Variants in CDKL4 observed in about 807,000 individuals in gnomAD.
The protein encoded by CDKL4 is cyclin-dependent kinase-like 4.
Under a neutral mutation model 42.0 loss-of-function variants are expected in CDKL4, and 44 were observed. That is an observed-to-expected ratio of 1.05 (90% confidence interval 0.82 to 1.35). CDKL4 has a LOEUF of 1.35. CDKL4 is among the 40% of genes most tolerant of loss of function. The pLI, the probability that CDKL4 is intolerant of heterozygous loss-of-function variation, is 0.00. For synonymous variants in CDKL4, 120 were observed against 121.6 expected, an observed-to-expected ratio of 0.99 and a Z score of 0.09; for missense variants, 393 against 369.9, an observed-to-expected ratio of 1.06 and a Z score of -0.51.
rs181961145 is a variant in CDKL4, at chr2:39,213,679, C to T, written c.291-207G>A. Reference sequence around the variant, plus strand: ...TTCCTTTTGTAATTTGAATTTTTTACATCCATAAAATGATGCATGCTTATG... The same window carrying T: ...TTCCTTTTGTAATTTGAATTTTTTATATCCATAAAATGATGCATGCTTATG... On this transcript the variant is annotated intron_variant, in intron 3 of 9. Transcript: ENST00000451199. 5.3e-5 allele frequency among the ~76,000 whole-genome samples: 8 copies of T among 151,236 alleles called. No individual in the cohort carries two copies. In the East Asian group the frequency reaches 1.6e-3, roughly 29 times the overall value.
At chr2:39,236,019 A>C (rs1679351052) in intron 1 of CDKL4, among the ~76,000 whole-genome samples, 1 of 152,116 alleles carries the variant, frequency 6.6e-6, no homozygotes, top group African/African-American at 2.4e-5. Context: ...AGCAGCTGTT[A>C]TAAATATGTT....
chr2:39,215,530 T>A (rs1014314019), intron 3 of CDKL4, among the ~76,000 whole-genome samples: 6 of 152,192 alleles, frequency 3.9e-5, no homozygotes, highest in African/African-American at 4.8e-5. Flanking sequence ...TTTCTTAATT[T>A]AAAAAAATTA....
chr2:39,221,230 T>G (rs1024072940), intron 3 of CDKL4, among the ~76,000 whole-genome samples: 1 of 151,298 alleles, frequency 6.6e-6, no homozygotes, highest in Non-Finnish European at 1.5e-5. Context: ...TTGGCCAGGA[T>G]GCTCTTGATC....
intron 4 of CDKL4, among the ~76,000 whole-genome samples, chr2:39,211,757 C>T (rs1055386572): frequency 1.3e-5 from 2 of 151,482 alleles, no homozygotes; most frequent in Admixed American, 6.6e-5. Flanking sequence ...AGGGAAACAA[C>T]GTTGACAGGG....
chr2:39,183,223 T>G (rs1675541597), intron 8 of CDKL4, among the ~76,000 whole-genome samples: 1 of 151,358 alleles, frequency 6.6e-6, no homozygotes. Context: ...GAGGTTACAG[T>G]GAGCGGAGAA....
chr2:39,211,954 T>C (rs973597530), intron 4 of CDKL4, among the ~76,000 whole-genome samples: 1 of 152,196 alleles, frequency 6.6e-6, no homozygotes, highest in African/African-American at 2.4e-5. Context: ...AGCCTCTAGA[T>C]ATAAACTCCA....
downstream of CDKL4, among the ~76,000 whole-genome samples, chr2:39,174,210 G>T (rs983167837): frequency 2.0e-5 from 3 of 152,006 alleles, no homozygotes; most frequent in African/African-American, 7.2e-5. Context: ...TTAGAGACCA[G>T]CCTGGGCAAC....
chr2:39,205,149 C>G (rs909117352), intron 4 of CDKL4, among the ~76,000 whole-genome samples: 1 of 151,828 alleles, frequency 6.6e-6, no homozygotes, highest in Non-Finnish European at 1.5e-5. Flanking sequence ...TGCACAGAGC[C>G]TGAGCAACTG....
rs73930537 is a variant in CDKL4, at chr2:39,189,763, T to C, written c.652+542A>G. 8.7e-3 allele frequency among the ~76,000 whole-genome samples: 1,322 copies of C among 152,348 alleles called. 23 individuals carry two copies. The highest frequency in any genetic ancestry group is 0.03 in the African/African-American group (1,234 of 41,592). On this transcript the variant is annotated intron_variant, in intron 6 of 9. Transcript: ENST00000451199. ...TTCTGTGTCCATAAATAAAGTTCTATTGGAACACAGCTATGCTCATTTGTT... is the reference window on the plus strand; with the variant it reads ...TTCTGTGTCCATAAATAAAGTTCTACTGGAACACAGCTATGCTCATTTGTT...
Position 39,179,219 on chromosome 2 carries a change from G to A in CDKL4, c.895C>T (p.Arg299Cys), listed in dbSNP as rs201931652. 31 of 1,612,912 alleles carry A rather than the reference G, an allele frequency of 1.9e-5. No homozygotes were observed. The highest frequency in any genetic ancestry group is 4.5e-5 in the East Asian group (2 of 44,852). ...CGTCTTCTGTTTCTTCCTTCATTAC[G>A]TGCTTTTCTTTTAATTTGGGCCTCT... Residue 299 changes from arginine to cysteine, a missense_variant, in exon 9 of 10, where the codon CGT becomes TGT. Coordinates refer to ENST00000451199, the Ensembl canonical transcript of CDKL4.
intron 6 of CDKL4, among the ~76,000 whole-genome samples, chr2:39,188,190 G>A (rs138531744): frequency 1.3e-5 from 2 of 152,306 alleles, no homozygotes; most frequent in East Asian, 3.9e-4. Flanking sequence ...ATGGGATTCT[G>A]CAGACGCATG....
intron 9 of CDKL4, chr2:39,178,596 T>G: frequency 6.4e-7 from 1 of 1,555,304 alleles, no homozygotes; most frequent in Non-Finnish European, 8.7e-7. Flanking sequence ...GACAGTCACC[T>G]GATAAACTGC....
chr2:39,187,929 G>T (rs377746715), intron 6 of CDKL4, among the ~76,000 whole-genome samples: 9 of 151,704 alleles, frequency 5.9e-5, no homozygotes, highest in East Asian at 5.9e-4. Context: ...TTAGCCAAGC[G>T]TGGTGGTCCA....
intron 2 of CDKL4, among the ~76,000 whole-genome samples, chr2:39,226,848 C>T (rs1678778247): frequency 6.6e-6 from 1 of 151,854 alleles, no homozygotes. Flanking sequence ...CTCACTACAA[C>T]CTCCGCCTCC....
At position 39,179,296 on chromosome 2, in the gene CDKL4, T is replaced by C. The variant is rs1232538598; in HGVS notation, c.818A>G (p.Asp273Gly). 66 of 1,602,306 alleles carry C rather than the reference T, an allele frequency of 4.1e-5. No homozygotes were observed. The highest frequency in any genetic ancestry group is 5.4e-5 in the Non-Finnish European group (63 of 1,177,188). Residue 273 changes from aspartate to glycine, a missense_variant, in exon 9 of 10, where the codon GAC becomes GGC. Coordinates refer to ENST00000451199, the Ensembl canonical transcript of CDKL4. ...CAGGAGTTGGGAACAGGTTAATCTG[T>C]CATCTGGATTCATCTTCAGACACCC...
chr2:39,245,129 C>G (rs114958866), upstream of CDKL4, among the ~76,000 whole-genome samples: 928 of 152,340 alleles, frequency 6.1e-3, 9 homozygotes, highest in African/African-American at 0.021. Flanking sequence ...GGGTTCCTTT[C>G]CACACTGTGG....
chr2:39,201,840 G>T (rs1676871595), intron 5 of CDKL4, among the ~76,000 whole-genome samples: 1 of 152,146 alleles, frequency 6.6e-6, no homozygotes, highest in Non-Finnish European at 1.5e-5. Context: ...AGCCGAAAGG[G>T]TCGGGCGGCG....
upstream of CDKL4, among the ~76,000 whole-genome samples, chr2:39,244,246 A>G (rs1399641039): frequency 6.6e-6 from 1 of 152,178 alleles, no homozygotes; most frequent in South Asian, 2.1e-4. Context: ...GCCGGAGCCC[A>G]CTCCCTCAGC....
intron 6 of CDKL4, 97 bp downstream of exon 6, chr2:39,190,208 T>C: frequency 1.2e-6 from 1 of 863,200 alleles, no homozygotes; most frequent in South Asian, 2.6e-5. Context: ...GCAATAAAAC[T>C]CTTGTTTTTT....
Sources: gnomAD v4.1 joint callset for allele counts (sites outside exome capture counted in the v4.1 genomes callset) on GRCh38, gnomAD v4.1.1 for gene constraint, MANE v1.5 for transcripts, NCBI Gene and HGNC (gene_info 2026-07-23, HGNC 2026-07-21) for gene names.